The following KLHL18 variants were observed in gnomAD, a reference collection of about 807,000 sequenced individuals.
KLHL18 encodes the protein kelch-like protein 18.
A neutral mutation model predicts 58.5 loss-of-function variants in KLHL18; 38 were observed. That is an observed-to-expected ratio of 0.65 (90% CI 0.50 to 0.85). KLHL18 has a LOEUF of 0.85. Ranked by LOEUF, KLHL18 falls within the 40% of genes least tolerant of loss-of-function variation. The pLI is 0.00. For synonymous variants in KLHL18, 303 were observed against 301.9 expected (o/e 1.00, Z -0.04); for missense variants, 624 against 778.4 (o/e 0.80, Z 2.36).
In KLHL18 at chr3:47,334,638, G is replaced by A; in HGVS notation, c.762-45G>A. On this transcript the variant is annotated intron_variant, in intron 5 of 9. Transcript: ENST00000232766. This position sits in a 1 kb window ranked among gnomAD's most constrained non-coding sequence, Gnocchi z 4.7. ...GCTCAGAGATGCAAACGAGGACTAA[G>A]TCAGGGGGATACCTCCTGTTCTAGC... 5 of 1,609,154 alleles carry A rather than the reference G, an allele frequency of 3.1e-6. No homozygotes were observed. The highest frequency in any genetic ancestry group is 3.4e-6 in the Non-Finnish European group (4 of 1,176,054).
intron 3 of KLHL18, 104 bp downstream of exon 3, chr3:47,322,812 A>T: frequency 8.8e-7 from 1 of 1,139,790 alleles, no homozygotes; most frequent in Non-Finnish European, 1.2e-6. Flanking sequence ...TTATGAAGGG[A>T]GTGAGCTGGA....
At chr3:47,322,448 C>A (rs1198000622) in intron 2 of KLHL18, 120 bp from the exon 3 acceptor site, 2 of 904,516 alleles carry the variant, frequency 2.2e-6, no homozygotes, top group Non-Finnish European at 3.1e-6. Flanking sequence ...AGTAGTTACT[C>A]CATTAGATAG....
At chr3:47,302,142 G>A (rs1703039687) in intron 1 of KLHL18, among the ~76,000 whole-genome samples, 1 of 152,136 alleles carries the variant, frequency 6.6e-6, no homozygotes, top group Admixed American at 6.5e-5. Flanking sequence ...TATGTTATGT[G>A]TTATACTGTA....
At chr3:47,303,828 C>T (rs1703078019) in intron 1 of KLHL18, among the ~76,000 whole-genome samples, 1 of 152,120 alleles carries the variant, frequency 6.6e-6, no homozygotes, top group East Asian at 1.9e-4. Flanking sequence ...GATCATAGCT[C>T]ACTGCAACCT....
At chr3:47,288,904 G>A (rs1702734211) in intron 1 of KLHL18, among the ~76,000 whole-genome samples, 1 of 152,224 alleles carries the variant, frequency 6.6e-6, no homozygotes, top group Admixed American at 6.5e-5. Flanking sequence ...TGAGTTTCGT[G>A]TCCTTTGCTC....
chr3:47,320,648 T>C (rs1022104206), intron 2 of KLHL18, among the ~76,000 whole-genome samples: 1 of 152,202 alleles, frequency 6.6e-6, no homozygotes, highest in East Asian at 1.9e-4. Context: ...CCAGGCAAGG[T>C]GGCTCACACC....
At chr3:47,303,515 A>G (rs557693964) in intron 1 of KLHL18, among the ~76,000 whole-genome samples, 1 of 152,326 alleles carries the variant, frequency 6.6e-6, no homozygotes, top group Admixed American at 6.5e-5. Flanking sequence ...CAATCCAGAA[A>G]AAGTTTTCAT....
chr3:47,323,158 G>A (rs934970175), intron 3 of KLHL18, among the ~76,000 whole-genome samples: 2 of 150,700 alleles, frequency 1.3e-5, no homozygotes, highest in Non-Finnish European at 3.0e-5. Context: ...GTATGATCTC[G>A]CCTCACTGCA....
intron 1 of KLHL18, among the ~76,000 whole-genome samples, chr3:47,300,502 A>G (rs1286275024): frequency 6.6e-6 from 1 of 150,462 alleles, no homozygotes; most frequent in East Asian, 1.9e-4. Context: ...TCCTGGGCTC[A>G]AGACCAGCTG....
chr3:47,306,102 T>G (rs989275770), intron 1 of KLHL18, among the ~76,000 whole-genome samples: 1 of 151,972 alleles, frequency 6.6e-6, no homozygotes, highest in Non-Finnish European at 1.5e-5. Flanking sequence ...TGCTTTGAGT[T>G]TATTTTTTCT....
chr3:47,337,350 C>CACCG, intron 7 of KLHL18: 3 of 157,656 alleles, frequency 1.9e-5, no homozygotes, highest in Admixed American at 1.2e-4. Flanking sequence ...TTCTAGCTAC[C>CACCG]TGCTCTCTCC....
intron 1 of KLHL18, among the ~76,000 whole-genome samples, chr3:47,316,577 A>G (rs807934): frequency 0.085 from 1,266 of 14,846 alleles, 41 homozygotes; most frequent in Admixed American, 0.1. Context: ...ATATGTGTGT[A>G]TATATATACA....
chr3:47,319,885 A>G (rs1255848479), intron 2 of KLHL18, 102 bp downstream of exon 2: 13 of 1,211,652 alleles, frequency 1.1e-5, no homozygotes, highest in Non-Finnish European at 1.5e-5. Flanking sequence ...AGTGTCTAAT[A>G]GCCTAGCTCT....
rs1703183512 is a variant in KLHL18, at chr3:47,307,709, T to TG, written c.130-11942dup. ...CTGGCCATTAAGGCTTTTTTCTATC[T>TG]GGAATTGATTTTGGAGTGTGATGTG... On this transcript the variant is annotated intron_variant, in intron 1 of 9. Coordinates refer to ENST00000232766, the MANE Select transcript of KLHL18 (RefSeq NM_025010.5). 1.3e-5 allele frequency among the ~76,000 whole-genome samples: 2 copies of TG among 152,212 alleles called. 1 individual carries two copies. Among genetic ancestry groups the TG allele is most frequent in the Admixed American group, 1.3e-4 (2 of 15,286 alleles).
At position 47,334,933 on chromosome 3, in the gene KLHL18, G is replaced by T. The variant is rs1703950273; in HGVS notation, c.898+114G>T. On this transcript the variant is annotated intron_variant, in intron 6 of 9. Transcript: ENST00000232766. The surrounding 1 kb of genome is among the most constrained non-coding windows in gnomAD (Gnocchi z 4.7). ...TCTGTTTTGTACTGTCACCACCCTT[G>T]CCCCTCTTGATTTTATACAATTGCT... is the stretch of plus-strand genomic sequence containing the variant. 3.7e-6 allele frequency: 4 copies of T among 1,072,884 alleles called. No homozygotes were observed. The South Asian group carries it at 6.6e-5, about 18-fold the overall frequency. The allele number at this position is 1,072,884 out of a possible 1,614,324, so 66.5% of individuals were successfully genotyped here.
chr3:47,283,721 A>C (rs1702556597), intron 1 of KLHL18, among the ~76,000 whole-genome samples: 1 of 152,148 alleles, frequency 6.6e-6, no homozygotes, highest in African/African-American at 2.4e-5. Flanking sequence ...GACTGATATT[A>C]AGAGGGAAAG....
At chr3:47,302,974 T>C (rs1480768666) in intron 1 of KLHL18, among the ~76,000 whole-genome samples, 1 of 152,252 alleles carries the variant, frequency 6.6e-6, no homozygotes, top group Non-Finnish European at 1.5e-5. Context: ...TTGTCTTCTA[T>C]TAATTCCTCA....
chr3:47,301,081 T>C (rs2107596025), intron 1 of KLHL18, among the ~76,000 whole-genome samples: 1 of 152,312 alleles, frequency 6.6e-6, no homozygotes, highest in South Asian at 2.1e-4. Flanking sequence ...TTGTTTTTTG[T>C]TTTTTTATTG....
At chr3:47,322,285 C>T (rs1458130196) in intron 2 of KLHL18, among the ~76,000 whole-genome samples, 2 of 152,162 alleles carry the variant, frequency 1.3e-5, no homozygotes, top group Non-Finnish European at 2.9e-5. Context: ...ATAATTCATG[C>T]ATGTTGGCGA....
Sources: gnomAD v4.1 joint callset for allele counts (sites outside exome capture counted in the v4.1 genomes callset) on GRCh38, gnomAD v4.1.1 for gene constraint, Gnocchi (gnomAD v3.1) non-coding constraint, MANE v1.5 for transcripts, NCBI Gene and HGNC (gene_info 2026-07-23, HGNC 2026-07-21) for gene names.